CHSY1: variants seen among roughly 807,000 people sequenced by gnomAD.
CHSY1 encodes N-acetylgalactosaminyl-proteoglycan 3-beta-glucuronosyltransferase 1.
A neutral mutation model predicts 59.8 loss-of-function variants in CHSY1; 13 were observed. That is an observed-to-expected ratio of 0.22 (90% CI 0.14 to 0.35). CHSY1 has a LOEUF of 0.35. Ranked by LOEUF, CHSY1 falls within the 10% of genes least tolerant of loss-of-function variation. CHSY1 has a pLI of 1.00. For missense variants in CHSY1, 947 were observed against 1,030.6 expected, an observed-to-expected ratio of 0.92 and a Z score of 1.11; for synonymous variants, 459 against 401.2, an observed-to-expected ratio of 1.14 and a Z score of -1.72.
At chr15:101,209,463 T>G (rs188535281) in intron 2 of CHSY1, among the ~76,000 whole-genome samples, 2 of 152,292 alleles carry the variant, frequency 1.3e-5, no homozygotes, top group East Asian at 3.9e-4. Context: ...AATAAAGCGA[T>G]ATATACCTGT....
rs953312334 is a variant in CHSY1, at chr15:101,238,702, T to C, written c.321-3125A>G. Reference sequence around the variant, plus strand: ...CCTATGGATTTAAAATGGACCTGTATTCTTACGCCACTTAAATAACTCATT... The same window carrying C: ...CCTATGGATTTAAAATGGACCTGTACTCTTACGCCACTTAAATAACTCATT... On this transcript the variant is annotated intron_variant, in intron 1 of 2. Coordinates refer to ENST00000254190, the MANE Select transcript of CHSY1 (RefSeq NM_014918.5). 2.0e-5 allele frequency among the ~76,000 whole-genome samples: 3 copies of C among 152,228 alleles called. No individual in the cohort carries two copies. In the East Asian group the frequency reaches 5.8e-4, roughly 29 times the overall value.
At chr15:101,214,445 G>C (rs985734408) in intron 2 of CHSY1, among the ~76,000 whole-genome samples, 1 of 152,212 alleles carries the variant, frequency 6.6e-6, no homozygotes, top group Non-Finnish European at 1.5e-5. Flanking sequence ...TGCACAAGTT[G>C]TGTCTGCATC....
intron 1 of CHSY1, among the ~76,000 whole-genome samples, chr15:101,237,510 T>C (rs774053360): frequency 2.0e-5 from 3 of 151,532 alleles, no homozygotes; most frequent in South Asian, 2.1e-4. Flanking sequence ...GAGTGGTCAA[T>C]TGCGAGGAAA....
At chr15:101,209,673 G>C (rs929159966) in intron 2 of CHSY1, among the ~76,000 whole-genome samples, 3 of 152,108 alleles carry the variant, frequency 2.0e-5, no homozygotes, top group African/African-American at 7.2e-5. Context: ...GAGGAGAAAG[G>C]GCAGTAAAAA....
chr15:101,189,559 C>T (rs2038417231), intron 2 of CHSY1: 1 of 716,904 alleles, frequency 1.4e-6, no homozygotes, highest in Non-Finnish European at 1.7e-6. Context: ...AACTGAAGTG[C>T]TGGCAACCAG....
chr15:101,204,435 A>AAATAATAATAATAATAAT (rs56793692), intron 2 of CHSY1, among the ~76,000 whole-genome samples: 3 of 143,936 alleles, frequency 2.1e-5, no homozygotes, highest in Non-Finnish European at 4.6e-5. Flanking sequence ...ACTCCATCTC[A>AAATAATAATAATAATAAT]AATAATAATA....
At chr15:101,200,164 C>T (rs114939448) in intron 2 of CHSY1, among the ~76,000 whole-genome samples, 1,657 of 152,262 alleles carry the variant, frequency 0.011, 30 homozygotes, top group African/African-American at 0.038. Context: ...TTGAATAAGA[C>T]GAAATGCTGT....
At chr15:101,242,185 T>TG (rs11419060) in intron 1 of CHSY1, among the ~76,000 whole-genome samples, 47,700 of 151,984 alleles carry the variant, frequency 0.31, 10,337 homozygotes, top group African/African-American at 0.62. Context: ...TTAACCAAAA[T>TG]CATACAGGAT....
chr15:101,177,387 A>G lies in CHSY1; in HGVS notation c.*1T>C. 1.2e-6 allele frequency: 2 copies of G among 1,608,712 alleles called. No homozygotes were observed. Among genetic ancestry groups the G allele is most frequent in the East Asian group, 2.2e-5 (1 of 44,862 alleles). ...AACGTCTTTTCCAGCAAAGCTGGAC[A>G]TTAGGCTGTCCTCACTGAGCCATTA... On this transcript the variant is annotated 3_prime_UTR_variant, in exon 3 of 3. Transcript: ENST00000254190.
intron 2 of CHSY1, among the ~76,000 whole-genome samples, chr15:101,181,195 G>A (rs1394672705): frequency 1.3e-5 from 2 of 152,104 alleles, no homozygotes; most frequent in African/African-American, 4.8e-5. Context: ...CTGCACCTGA[G>A]GATCTCATGG....
At chr15:101,182,764 A>T (rs968107370) in intron 2 of CHSY1, among the ~76,000 whole-genome samples, 1 of 152,238 alleles carries the variant, frequency 6.6e-6, no homozygotes, top group Non-Finnish European at 1.5e-5. Context: ...AAAAAGCTGG[A>T]TCATTACAGC....
At position 101,177,029 on chromosome 15, in the gene CHSY1, T is replaced by C. The variant is rs2141233838; in HGVS notation, c.*359A>G. 1 of 180,350 alleles carries C rather than the reference T, an allele frequency of 5.5e-6. No individual in the cohort carries two copies. Among genetic ancestry groups the C allele is most frequent in the African/African-American group, 2.4e-5 (1 of 42,294 alleles). 11.2% of individuals were successfully genotyped at this position (180,350 alleles called of 1,614,324 possible). A position where few individuals can be genotyped will look rare whatever the true frequency, so the allele number is the denominator to read the frequency against. ...GAATGTTAACAATCACAACAGAACA[T>C]TTACCAGAGTTACAGTGTTTTGTTA... On this transcript the variant is annotated 3_prime_UTR_variant, in exon 3 of 3. Coordinates refer to ENST00000254190, the MANE Select transcript of CHSY1 (RefSeq NM_014918.5).
chr15:101,246,356 C>CTT (rs56741361), intron 1 of CHSY1, among the ~76,000 whole-genome samples: 39,288 of 80,668 alleles, frequency 0.49, 6,747 homozygotes, highest in African/African-American at 0.57. Flanking sequence ...ATACGTGTGG[C>CTT]TTTTTTTTTT....
At chr15:101,197,049 A>C (rs2038515818) in intron 2 of CHSY1, among the ~76,000 whole-genome samples, 1 of 152,176 alleles carries the variant, frequency 6.6e-6, no homozygotes, top group Non-Finnish European at 1.5e-5. Flanking sequence ...CAAGAATCAC[A>C]AATTTTGCTT....
At chr15:101,241,894 CTGATATAAAATGG>C (rs1429991363) in intron 1 of CHSY1, among the ~76,000 whole-genome samples, 1 of 152,182 alleles carries the variant, frequency 6.6e-6, no homozygotes, top group Non-Finnish European at 1.5e-5. Context: ...GCTTTAGTCC[CTGATATAAAATGG>C]TGCAGTATTT....
intron 2 of CHSY1, among the ~76,000 whole-genome samples, chr15:101,215,973 A>C (rs983280237): frequency 1.3e-5 from 2 of 152,222 alleles, no homozygotes; most frequent in African/African-American, 4.8e-5. Flanking sequence ...ACATTAAAAA[A>C]ATCAAACCCA....
chr15:101,239,453 G>A (rs1389768031), intron 1 of CHSY1, among the ~76,000 whole-genome samples: 1 of 152,254 alleles, frequency 6.6e-6, no homozygotes, highest in Non-Finnish European at 1.5e-5. Context: ...CCATGGGGGC[G>A]AGAACTCCAG....
intron 2 of CHSY1, among the ~76,000 whole-genome samples, chr15:101,221,418 G>A (rs1169835568): frequency 1.3e-5 from 2 of 152,094 alleles, no homozygotes; most frequent in Non-Finnish European, 2.9e-5. Flanking sequence ...TCTTGAACCC[G>A]GGAGGAGCCA....
intron 2 of CHSY1, among the ~76,000 whole-genome samples, chr15:101,183,790 T>C (rs2038313418): frequency 6.6e-6 from 1 of 152,184 alleles, no homozygotes; most frequent in South Asian, 2.1e-4. Context: ...ATCGAGTTCA[T>C]AACAAGTGAG....
Sources: allele counts gnomAD v4.1 joint callset (sites outside exome capture counted in the v4.1 genomes callset), GRCh38; gene constraint gnomAD v4.1.1; transcripts MANE v1.5; gene names NCBI Gene and HGNC (gene_info 2026-07-23, HGNC 2026-07-21).